Variants in ENO1 observed in about 807,000 individuals in gnomAD.
The protein encoded by ENO1 is enolase 1.
In ENO1, 33 loss-of-function variants were observed where a neutral mutation model predicts 46.3. The ratio of observed to expected loss-of-function variants is 0.71; its 90% CI spans 0.54 to 0.95. The LOEUF is 0.95. ENO1 is among the 40% of genes least tolerant of loss of function. The pLI is 0.00. For synonymous variants in ENO1, 220 were observed against 216.0 expected (o/e 1.02, Z -0.16); for missense variants, 488 against 553.3 (o/e 0.88, Z 1.18).
intron 5 of ENO1, among the ~76,000 whole-genome samples, chr1:8,867,638 C>T (rs2781063): frequency 2.6e-5 from 4 of 152,038 alleles, no homozygotes; most frequent in Non-Finnish European, 5.9e-5. Flanking sequence ...TTACTGCAAG[C>T]TCCGCCCGGG....
intron 9 of ENO1, among the ~76,000 whole-genome samples, 185 bp downstream of exon 9, chr1:8,863,706 T>C (rs1274946109): frequency 6.6e-6 from 1 of 152,198 alleles, no homozygotes; most frequent in Non-Finnish European, 1.5e-5. Context: ...CCTCCCAAAA[T>C]GTTGGGATTA....
chr1:8,872,093 T>G (rs1039210167), intron 2 of ENO1, 107 bp from the exon 3 acceptor site: 12 of 883,702 alleles, frequency 1.4e-5, no homozygotes, highest in Middle Eastern at 2.2e-4. Flanking sequence ...GAGCTGTTTC[T>G]TCCTCCTACC....
Position 8,878,686 on chromosome 1 carries a change from T to G in ENO1, c.-116A>C. The G allele has an allele frequency of 2.2e-6, 1 of 456,046 alleles. No individual in the cohort carries two copies. Among genetic ancestry groups the G allele is most frequent in the South Asian group, 1.5e-5 (1 of 64,562 alleles). The allele number at this position is 456,046 out of a possible 1,614,324, so 28.2% of individuals were successfully genotyped here. A position where few individuals can be genotyped will look rare whatever the true frequency, so the allele number is the denominator to read the frequency against. Reference sequence around the variant, plus strand: ...CCGTGCTCCGGGTACCCACAGATACTGTCCGCGCCGCCCGCGCCGACTTCC... The same window carrying G: ...CCGTGCTCCGGGTACCCACAGATACGGTCCGCGCCGCCCGCGCCGACTTCC... On this transcript the variant is annotated 5_prime_UTR_variant, in exon 1 of 12. Coordinates refer to ENST00000234590, the MANE Select transcript of ENO1 (RefSeq NM_001428.5).
chr1:8,871,401 G>A (rs886226924), intron 3 of ENO1: 134 of 995,334 alleles, frequency 1.3e-4, no homozygotes, highest in Middle Eastern at 1.0e-3. Flanking sequence ...CACAGAGCAG[G>A]GCTCCTATGA....
chr1:8,871,825 G>A (rs1642639754), intron 3 of ENO1, 66 bp downstream of exon 3: 3 of 1,549,132 alleles, frequency 1.9e-6, no homozygotes, highest in Non-Finnish European at 2.7e-6. Context: ...GAGAGGACAG[G>A]ACTGGGCAAG....
At chr1:8,862,422 A>G (rs1642423862) in intron 11 of ENO1, among the ~76,000 whole-genome samples, 1 of 152,192 alleles carries the variant, frequency 6.6e-6, no homozygotes. Flanking sequence ...GGGCTTCCCA[A>G]GGACACAGAC....
intron 6 of ENO1, 147 bp downstream of exon 6, chr1:8,866,970 C>T (rs562392455): frequency 1.6e-6 from 2 of 1,258,752 alleles, no homozygotes; most frequent in Admixed American, 2.9e-5. Flanking sequence ...AGTTGAGTTA[C>T]CTGCTCAAGG....
Position 8,864,198 on chromosome 1 carries a change from A to G in ENO1, c.866-106T>C, listed in dbSNP as rs186510876. The stretch of plus-strand genomic sequence containing the variant: ...GACTTGCTGCTCGCCTGGCCTCACA[A>G]TGCCCAAAAGCATAGGATGGGGACA... On this transcript the variant is annotated intron_variant, in intron 8 of 11. Coordinates refer to ENST00000234590, the MANE Select transcript of ENO1 (RefSeq NM_001428.5). The G allele has an allele frequency of 1.5e-4, 181 of 1,241,424 alleles. 1 individual carries two copies. The African/African-American group carries it at 2.5e-3, about 17-fold the overall frequency. 76.9% of individuals were successfully genotyped at this position (1,241,424 alleles called of 1,614,324 possible).
Position 8,865,215 on chromosome 1 carries a change from G to C in ENO1, c.865+70C>G. 3.2e-6 allele frequency: 5 copies of C among 1,580,710 alleles called. No homozygotes were observed. In the Admixed American group the frequency reaches 8.4e-5, roughly 27 times the overall value. ...CCCTCCTTGCAGCCATCACCAGCCA[G>C]CCAGATGCTCCAGCTGCCCTGCTGC... On this transcript the variant is annotated intron_variant, in intron 8 of 11. Transcript: ENST00000234590.
At chr1:8,864,122 T>C in intron 8 of ENO1, 30 bp from the exon 9 acceptor site, 1 of 1,608,742 alleles carries the variant, frequency 6.2e-7, no homozygotes, top group Non-Finnish European at 8.5e-7. Context: ...GCTTCATCAG[T>C]GTGATCCTCC....
At position 8,867,246 on chromosome 1, in the gene ENO1, C is replaced by T; in HGVS notation, c.315G>A (p.Lys105=). 1.2e-6 allele frequency: 2 copies of T among 1,614,108 alleles called. No individual in the cohort carries two copies. The highest frequency in any genetic ancestry group is 1.7e-6 in the Non-Finnish European group (2 of 1,179,978). ...IEMDGTENKS[K]FGANAILGVS... Reference sequence around the variant, plus strand: ...CCCCCAGAATGGCGTTCGCACCAAACTTAGCTAGAACAGAAGAGAACCGAG... The same window carrying T: ...CCCCCAGAATGGCGTTCGCACCAAATTTAGCTAGAACAGAAGAGAACCGAG... Residue 105 remains lysine (K), a synonymous_variant, in exon 6 of 12, where the codon AAG becomes AAA. Coordinates refer to ENST00000234590, the MANE Select transcript of ENO1 (RefSeq NM_001428.5).
chr1:8,867,076 C>T, intron 6 of ENO1, 41 bp downstream of exon 6: 2 of 1,601,238 alleles, frequency 1.2e-6, no homozygotes, highest in Non-Finnish European at 1.7e-6. Context: ...CAAGCTGAAA[C>T]CCCCAACTCC....
chr1:8,867,916 C>A, intron 5 of ENO1, 72 bp downstream of exon 5: 1 of 1,368,260 alleles, frequency 7.3e-7, no homozygotes, highest in Non-Finnish European at 1.0e-6. Flanking sequence ...TGGGCCTCTT[C>A]CTGAAAGGTT....
rs773168746 is a variant in ENO1 at position 8,865,409 on chromosome 1, C to T, written c.741G>A (p.Ala247=). ...TDKVVIGMDV[A]ASEFFRSGKY... Reference sequence around the variant, plus strand: ...TCCCAGACCTGAAGAACTCGGAGGCCGCTACGTCCATGCCGATGACCACCT... The same window carrying T: ...TCCCAGACCTGAAGAACTCGGAGGCTGCTACGTCCATGCCGATGACCACCT... The change falls in exon 8 of 12, where the codon GCG becomes GCA. Residue 247 remains alanine, a synonymous_variant. Transcript: ENST00000234590. 1.6e-5 allele frequency: 26 copies of T among 1,613,944 alleles called. No individual in the cohort carries two copies. Among genetic ancestry groups the T allele is most frequent in the African/African-American group, 8.0e-5 (6 of 74,904 alleles).
chr1:8,867,990 T>C lies in ENO1; in HGVS notation c.308A>G (p.Lys103Arg). ...LMIEMDGTEN[K>R]SKFGANAILG... is the part of the protein sequence containing the mutation. Reference sequence around the variant, plus strand: ...AGACGCCACCTCAGGCCACTCACATTTATTTTCTGTTCCATCCATCTCGAT... The same window carrying C: ...AGACGCCACCTCAGGCCACTCACATCTATTTTCTGTTCCATCCATCTCGAT... Residue 103 changes from lysine (K) to arginine (R), a missense_variant and splice_region_variant, in exon 5 of 12, where the codon AAA becomes AGA. Lys to Arg is a conservative substitution (Grantham distance 26). Transcript: ENST00000234590. 1 of 1,613,966 alleles carries C rather than the reference T, an allele frequency of 6.2e-7. No homozygotes were observed. Among genetic ancestry groups the C allele is most frequent in the South Asian group, 1.1e-5 (1 of 91,068 alleles).
At position 8,867,886 on chromosome 1, in the gene ENO1, G is replaced by A. The variant is rs189823653; in HGVS notation, c.310+102C>T. On this transcript the variant is annotated intron_variant, in intron 5 of 11. Coordinates refer to ENST00000234590, the MANE Select transcript of ENO1 (RefSeq NM_001428.5). Reference sequence around the variant, plus strand: ...AAATGGGAAGAGACCACAGGCTCATGTAGCTCATCACTAAGATCATGGGCC... The same window carrying A: ...AAATGGGAAGAGACCACAGGCTCATATAGCTCATCACTAAGATCATGGGCC... 6 of 1,044,180 alleles carry A rather than the reference G, an allele frequency of 5.7e-6. No individual in the cohort carries two copies. In the Admixed American group the frequency reaches 1.2e-4, roughly 21 times the overall value. 64.7% of individuals were successfully genotyped at this position (1,044,180 alleles called of 1,614,324 possible).
intron 11 of ENO1, among the ~76,000 whole-genome samples, chr1:8,862,498 C>T (rs1642425911): frequency 6.6e-6 from 1 of 152,178 alleles, no homozygotes; most frequent in East Asian, 1.9e-4. Context: ...TGCCCTTCGG[C>T]CTTTTCTTCC....
At chr1:8,862,866 G>A in intron 11 of ENO1, 21 bp downstream of exon 11, 1 of 1,613,134 alleles carries the variant, frequency 6.2e-7, no homozygotes, top group Non-Finnish European at 8.5e-7. Context: ...CAGGCCCCTT[G>A]TTCTCAGGAG....
At chr1:8,864,163 C>G (rs1410557991) in intron 8 of ENO1, 71 bp from the exon 9 acceptor site, 80 of 1,554,924 alleles carry the variant, frequency 5.1e-5, no homozygotes, top group Non-Finnish European at 5.3e-6. Flanking sequence ...CCCAGCCTTG[C>G]TTCCCCCTTG....
Sources: allele counts gnomAD v4.1 joint callset (sites outside exome capture counted in the v4.1 genomes callset), GRCh38; gene constraint gnomAD v4.1.1; transcripts MANE v1.5; gene names NCBI Gene and HGNC (gene_info 2026-07-23, HGNC 2026-07-21).